Variants in SCN10A observed in about 807,000 individuals in gnomAD.
The protein encoded by SCN10A is sodium channel protein type 10 subunit alpha.
In SCN10A, 162 loss-of-function variants were observed where a neutral mutation model predicts 170.7. The observed-to-expected ratio is 0.95, with a 90% CI of 0.84 to 1.08. The LOEUF (loss-of-function observed/expected upper bound fraction) is 1.08. Ranked by LOEUF, SCN10A falls within the 50% of genes least tolerant of loss-of-function variation. The pLI is 0.00. For synonymous variants in SCN10A, 985 were observed against 904.6 expected (o/e 1.09, Z -1.59); for missense variants, 2,527 against 2,436.9 (o/e 1.04, Z -0.78).
rs1330344011 is a variant in SCN10A, at chr3:38,697,933, C to G, written c.5287G>C (p.Ala1763Pro). 6.2e-7 allele frequency: 1 copy of G among 1,614,092 alleles called. No homozygotes were observed. Among genetic ancestry groups the G allele is most frequent in the Non-Finnish European group, 8.5e-7 (1 of 1,180,028 alleles). The change falls in exon 28 of 28, where the codon GCT becomes CCT. Residue 1763 changes from alanine (A) to proline (P), a missense_variant. Transcript: ENST00000449082. ...PEATQFITFS[A>P]LSDFADTLSG... ...AGAGTGTCTGCAAAGTCCGAGAGAG[C>G]AGAAAAGGTAATAAACTGAGTGGCC...
chr3:38,712,489 C>G lies in SCN10A; in HGVS notation c.3805-44G>C, dbSNP rs201170821. Reference sequence around the variant, plus strand: ...AGACCTGGAACCTCCCAATGCCCCACCCCCTCTGCTGGATTCTATCTCTTT... The same window carrying G: ...AGACCTGGAACCTCCCAATGCCCCAGCCCCTCTGCTGGATTCTATCTCTTT... On this transcript the variant is annotated intron_variant, in intron 22 of 27. Coordinates refer to ENST00000449082, the MANE Select transcript of SCN10A (RefSeq NM_006514.4). 6.0e-4 allele frequency: 950 copies of G among 1,586,356 alleles called. 4 individuals carry two copies. The highest frequency in any genetic ancestry group is 2.2e-3 in the East Asian group (96 of 44,602).
intron 21 of SCN10A, among the ~76,000 whole-genome samples, 194 bp downstream of exon 21, chr3:38,718,459 G>A (rs1384787772): frequency 1.3e-5 from 2 of 152,232 alleles, no homozygotes; most frequent in Non-Finnish European, 2.9e-5. Context: ...TCACTATTGT[G>A]TCACAGTCAC....
Position 38,703,196 on chromosome 3 carries a change from G to A in SCN10A, c.4387-1087C>T, listed in dbSNP as rs186138216. On this transcript the variant is annotated intron_variant, in intron 26 of 27. Coordinates refer to ENST00000449082, the MANE Select transcript of SCN10A (RefSeq NM_006514.4). ...GTTTTGTCACTTCTTCATTACTGCCGCTTGCCAAACTCTTGGTCCCTCTGC... is the reference window on the plus strand; with the variant it reads ...GTTTTGTCACTTCTTCATTACTGCCACTTGCCAAACTCTTGGTCCCTCTGC... 8.5e-5 allele frequency among the ~76,000 whole-genome samples: 13 copies of A among 152,162 alleles called. No homozygotes were observed. In the East Asian group the frequency reaches 2.3e-3, roughly 27 times the overall value.
At chr3:38,725,451 A>C in intron 17 of SCN10A, 137 bp from the exon 18 acceptor site, 1 of 636,730 alleles carries the variant, frequency 1.6e-6, no homozygotes, top group African/African-American at 1.8e-5. Context: ...ACATATATAC[A>C]TACACGTGTG....
intron 20 of SCN10A, 65 bp from the exon 21 acceptor site, chr3:38,718,891 A>G (rs999962053): frequency 2.0e-5 from 30 of 1,505,118 alleles, no homozygotes; most frequent in Non-Finnish European, 2.7e-5. Context: ...GCCCAGACTG[A>G]TAGGGAAGGA....
chr3:38,778,705 G>A (rs2064103700), intron 4 of SCN10A, among the ~76,000 whole-genome samples: 1 of 151,976 alleles, frequency 6.6e-6, no homozygotes, highest in East Asian at 1.9e-4. Flanking sequence ...ATGATCTTTG[G>A]AGCCCCAGTC....
chr3:38,805,069 T>C (rs2064396985), intron 1 of SCN10A, among the ~76,000 whole-genome samples: 1 of 152,100 alleles, frequency 6.6e-6, no homozygotes, highest in African/African-American at 2.4e-5. Context: ...GTGTTTGGGA[T>C]ATTGTTGTGA....
chr3:38,726,708 G>A lies in SCN10A; in HGVS notation c.2985C>T (p.Val995=). The A allele has an allele frequency of 6.2e-7, 1 of 1,612,904 alleles. No individual in the cohort carries two copies. Among genetic ancestry groups the A allele is most frequent in the Middle Eastern group, 1.7e-4 (1 of 6,056 alleles). Residue 995 remains valine, a synonymous_variant, in exon 17 of 28, where the codon GTC becomes GTT. Coordinates refer to ENST00000449082, the MANE Select transcript of SCN10A (RefSeq NM_006514.4). The part of the protein sequence containing the change: ...SDFIANPTVW[V]SVPIAEGESD... ...ATTCACCCTCAGCAATGGGCACAGA[G>A]ACCCACACAGTCGGATTAGCGATGA...
At chr3:38,798,739 A>G (rs1483993262) in intron 1 of SCN10A, among the ~76,000 whole-genome samples, 1 of 149,674 alleles carries the variant, frequency 6.7e-6, no homozygotes, top group African/African-American at 2.5e-5. Flanking sequence ...GTGGGCATTC[A>G]GCCCTCCCAA....
At chr3:38,742,670 A>G (rs949437096) in intron 13 of SCN10A, 141 bp from the exon 14 acceptor site, 4 of 700,500 alleles carry the variant, frequency 5.7e-6, no homozygotes, top group South Asian at 3.3e-5. Flanking sequence ...TGTCTCTGGT[A>G]TTCATTTCCT....
intron 5 of SCN10A, among the ~76,000 whole-genome samples, chr3:38,768,628 C>T (rs1326752037): frequency 6.6e-6 from 1 of 152,126 alleles, no homozygotes; most frequent in African/African-American, 2.4e-5. Context: ...TTATGTAAAT[C>T]AGATAACCTT....
At chr3:38,791,937 C>G (rs1013861453) in intron 3 of SCN10A, 113 bp downstream of exon 3, 1 of 1,385,976 alleles carries the variant, frequency 7.2e-7, no homozygotes, top group African/African-American at 1.4e-5. Context: ...CCTCATTGTA[C>G]TTTTGGGATT....
intron 18 of SCN10A, 148 bp from the exon 19 acceptor site, chr3:38,723,701 G>T: frequency 2.9e-6 from 3 of 1,033,036 alleles, no homozygotes; most frequent in Non-Finnish European, 4.1e-6. Context: ...AGCCCCAGAG[G>T]CTTAGCTGTG....
At chr3:38,752,965 T>A (rs887986860) in intron 11 of SCN10A, among the ~76,000 whole-genome samples, 1 of 152,212 alleles carries the variant, frequency 6.6e-6, no homozygotes, top group Non-Finnish European at 1.5e-5. Flanking sequence ...TAAGTGCACT[T>A]CATTGTCTGA....
chr3:38,726,357 A>C (rs1379521956), intron 17 of SCN10A, among the ~76,000 whole-genome samples: 1 of 152,132 alleles, frequency 6.6e-6, no homozygotes, highest in Non-Finnish European at 1.5e-5. Flanking sequence ...AGCTGTGTGA[A>C]AGACAATCCC....
chr3:38,728,710 A>G lies in SCN10A; in HGVS notation c.2472T>C (p.His824=). 1 of 1,614,146 alleles carries G rather than the reference A, an allele frequency of 6.2e-7. No individual in the cohort carries two copies. The change falls in exon 16 of 28, where the codon CAT becomes CAC. Residue 824 remains histidine, a synonymous_variant. Coordinates refer to ENST00000449082, the MANE Select transcript of SCN10A (RefSeq NM_006514.4). ...GCATGTGCCAGCGGGGCCAGTCTTC[A>G]TGGGGCGCGGAGATATTTTTTCGGT... ...RNNRKNISAP[H]EDWPRWHMHD...
At chr3:38,787,041 G>A (rs2064213559) in intron 4 of SCN10A, among the ~76,000 whole-genome samples, 1 of 152,038 alleles carries the variant, frequency 6.6e-6, no homozygotes, top group Non-Finnish European at 1.5e-5. Context: ...AAAATTTAAA[G>A]TTTAAAGTTT....
In SCN10A at chr3:38,761,224, T is replaced by C; in HGVS notation, c.851A>G (p.Asn284Ser). 1.2e-6 allele frequency: 2 copies of C among 1,608,734 alleles called. No individual in the cohort carries two copies. The highest frequency in any genetic ancestry group is 1.7e-6 in the Non-Finnish European group (2 of 1,176,152). Residue 284 changes from asparagine (N) to serine (S), a missense_variant, in exon 7 of 28, where the codon AAT (asparagine) becomes AGT (serine). By Grantham distance (46) the Asn-to-Ser change is conservative. Transcript: ENST00000449082. Reference sequence around the variant, plus strand: ...GTGAGATGAGTAGTTGGTTGTCTCATTGACAGCCATGTCATTCTTGACACA... The same window carrying C: ...GTGAGATGAGTAGTTGGTTGTCTCACTGACAGCCATGTCATTCTTGACACA... ...NKCVKNDMAV[N>S]ETTNYSSHRK... is the part of the protein sequence containing the mutation.
chr3:38,755,997 G>T, intron 10 of SCN10A, 39 bp from the exon 11 acceptor site: 1 of 1,611,742 alleles, frequency 6.2e-7, no homozygotes, highest in African/African-American at 1.3e-5. Context: ...AATAGTATTT[G>T]CTTGGACTTA....
Sources: allele counts gnomAD v4.1 joint callset (sites outside exome capture counted in the v4.1 genomes callset), GRCh38; gene constraint gnomAD v4.1.1; transcripts MANE v1.5; gene names NCBI Gene and HGNC (gene_info 2026-07-23, HGNC 2026-07-21).